Variants in EDIL3 observed in about 807,000 individuals in gnomAD.
EDIL3 encodes the protein EGF like and discoidin domains 3, also known as EGF-like repeat and discoidin I-like domain-containing protein 3.
EDIL3 carries 37 observed loss-of-function variants against 67.4 expected under a neutral mutation model. The ratio of observed to expected loss-of-function variants is 0.55; its 90% CI spans 0.42 to 0.72. The LOEUF (loss-of-function observed/expected upper bound fraction) is 0.72. Among genes scored for constraint, EDIL3 ranks in the 30% least tolerant of loss-of-function variants. The pLI, the probability that EDIL3 is intolerant of heterozygous loss-of-function variation, is 0.00. For synonymous variants in EDIL3, 195 were observed against 196.3 expected (o/e 0.99, Z 0.05); for missense variants, 527 against 586.3 (o/e 0.90, Z 1.04).
chr5:84,060,403 T>G lies in EDIL3; in HGVS notation c.1034A>C (p.Asn345Thr). 6.2e-7 allele frequency: 1 copy of G among 1,613,816 alleles called. No homozygotes were observed. Among genetic ancestry groups the G allele is most frequent in the Non-Finnish European group, 8.5e-7 (1 of 1,179,852 alleles). Residue 345 changes from asparagine to threonine, a missense_variant, in exon 9 of 11, where the codon AAC (asparagine) becomes ACC (threonine). Around this residue, in one of 2 missense-constraint regions of EDIL3, gnomAD observed 494 missense variants for 522.5 expected, o/e 0.95. Transcript: ENST00000296591. The part of the protein sequence containing the change: ...ITASSIFRTL[N>T]MDMFTWEPRK... ...TGGTTCCCAAGTGAACATGTCCATG[T>G]TGAGCGTTCTGAAGATGCTGGAGGC... is the stretch of plus-strand genomic sequence containing the variant.
intron 1 of EDIL3, among the ~76,000 whole-genome samples, chr5:84,277,915 A>G (rs574908462): frequency 6.6e-6 from 1 of 152,292 alleles, no homozygotes; most frequent in East Asian, 1.9e-4. Flanking sequence ...GTATACCCCA[A>G]CATACAATCC....
rs1389010024 is a variant in EDIL3 at position 83,980,695 on chromosome 5, A to ATT, written c.1138-17336_1138-17335insAA. ...GATTGAAATATATATATATATATAT[A>ATT]TATTTATATATAATAAATACATAAA... is the stretch of plus-strand genomic sequence containing the variant. On this transcript the variant is annotated intron_variant, in intron 9 of 10. Transcript: ENST00000296591. Among the ~76,000 whole-genome samples, 4 of 146,442 alleles carry ATT rather than the reference A, an allele frequency of 2.7e-5. No homozygotes were observed. The Admixed American group carries it at 2.7e-4, about 10-fold the overall frequency.
intron 5 of EDIL3, among the ~76,000 whole-genome samples, chr5:84,120,330 A>G (rs1217287740): frequency 2.0e-5 from 3 of 151,990 alleles, no homozygotes; most frequent in African/African-American, 7.2e-5. Flanking sequence ...ATTATTCTTA[A>G]TATATTTGCA....
chr5:83,948,711 A>C (rs1046917449), intron 10 of EDIL3, among the ~76,000 whole-genome samples: 1 of 151,830 alleles, frequency 6.6e-6, no homozygotes, highest in Admixed American at 6.6e-5. Flanking sequence ...GAAGCTTTGC[A>C]TGTATGAAAC....
intron 3 of EDIL3, among the ~76,000 whole-genome samples, chr5:84,189,542 A>G (rs1275195904): frequency 6.6e-6 from 1 of 152,040 alleles, no homozygotes; most frequent in African/African-American, 2.4e-5. Context: ...TCACAGCAAA[A>G]GAGCTATCAT....
intron 1 of EDIL3, among the ~76,000 whole-genome samples, chr5:84,305,564 C>T: frequency 6.6e-6 from 1 of 152,194 alleles, no homozygotes; most frequent in East Asian, 1.9e-4. Context: ...GTGAGTTCTC[C>T]TGCTTATCAG....
At chr5:84,277,752 T>C (rs1745610271) in intron 1 of EDIL3, among the ~76,000 whole-genome samples, 1 of 152,172 alleles carries the variant, frequency 6.6e-6, no homozygotes, top group South Asian at 2.1e-4. Context: ...TTGTAAAATA[T>C]TTTTCTCAAA....
chr5:84,178,618 A>T (rs1380340070), intron 4 of EDIL3, among the ~76,000 whole-genome samples: 1 of 152,186 alleles, frequency 6.6e-6, no homozygotes, highest in African/African-American at 2.4e-5. Context: ...TTCCAGTTCA[A>T]TTATCCAATT....
At chr5:83,996,073 T>C (rs1745234308) in intron 9 of EDIL3, among the ~76,000 whole-genome samples, 1 of 152,188 alleles carries the variant, frequency 6.6e-6, no homozygotes. Context: ...TTGAGATGAA[T>C]AATCTAGGTG....
At chr5:83,997,702 A>T (rs1223892902) in intron 9 of EDIL3, among the ~76,000 whole-genome samples, 1 of 152,198 alleles carries the variant, frequency 6.6e-6, no homozygotes, top group Non-Finnish European at 1.5e-5. Context: ...GAGGTGGAGA[A>T]AGATGGCCAA....
chr5:84,331,938 T>C (rs888676842), intron 1 of EDIL3, among the ~76,000 whole-genome samples: 2 of 152,138 alleles, frequency 1.3e-5, no homozygotes, highest in African/African-American at 2.4e-5. Flanking sequence ...TAGGGGCAAA[T>C]TGGCAATTAT....
At chr5:84,224,027 A>T (rs1196452811) in intron 3 of EDIL3, among the ~76,000 whole-genome samples, 2 of 151,178 alleles carry the variant, frequency 1.3e-5, no homozygotes, top group Non-Finnish European at 3.0e-5. Context: ...TTGTAGTATT[A>T]AAAAAAATGA....
chr5:83,948,194 T>G (rs1744347097), intron 10 of EDIL3, among the ~76,000 whole-genome samples: 1 of 151,828 alleles, frequency 6.6e-6, no homozygotes, highest in Admixed American at 6.6e-5. Flanking sequence ...TTCCAATTTT[T>G]TTTACTTGTA....
At chr5:84,184,767 C>G (rs952502934) in intron 3 of EDIL3, among the ~76,000 whole-genome samples, 7 of 152,176 alleles carry the variant, frequency 4.6e-5, no homozygotes, top group African/African-American at 1.7e-4. Context: ...TGAAGCCTGT[C>G]CAGCAATCTT....
At chr5:83,969,588 T>G (rs2112136209) in intron 9 of EDIL3, among the ~76,000 whole-genome samples, 1 of 151,976 alleles carries the variant, frequency 6.6e-6, no homozygotes, top group South Asian at 2.1e-4. Flanking sequence ...TGTGTATTTA[T>G]TTGCCCACTG....
chr5:84,203,892 T>A (rs1001200991), intron 3 of EDIL3, among the ~76,000 whole-genome samples: 3 of 152,184 alleles, frequency 2.0e-5, no homozygotes, highest in African/African-American at 7.2e-5. Flanking sequence ...TAGAAACATT[T>A]TTTAAAAAAA....
At chr5:84,164,645 G>C (rs109726) in intron 4 of EDIL3, among the ~76,000 whole-genome samples, 64,104 of 151,826 alleles carry the variant, frequency 0.42, 13,970 homozygotes, top group East Asian at 0.74. Context: ...CAAGTGTTTA[G>C]TGTGCTCTTA....
intron 2 of EDIL3, among the ~76,000 whole-genome samples, chr5:84,248,058 A>T (rs1744944048): frequency 6.6e-6 from 1 of 152,176 alleles, no homozygotes. Flanking sequence ...CCTCAGTGCC[A>T]GGAAGAGTGG....
chr5:84,278,103 G>A (rs1221287892), intron 1 of EDIL3, among the ~76,000 whole-genome samples: 1 of 152,110 alleles, frequency 6.6e-6, no homozygotes, highest in Admixed American at 6.6e-5. Flanking sequence ...TAAATGGAAA[G>A]TTAGACGCAA....
Sources: allele counts gnomAD v4.1 joint callset (sites outside exome capture counted in the v4.1 genomes callset), GRCh38; gene constraint gnomAD v4.1.1; regional missense constraint gnomAD v4.1.1; transcripts MANE v1.5; gene names NCBI Gene and HGNC (gene_info 2026-07-23, HGNC 2026-07-21).